ZNF804B: variants seen among roughly 807,000 people sequenced by gnomAD.
The protein encoded by ZNF804B is zinc finger protein 804B, also known as zinc finger 804B.
A neutral mutation model predicts 101.4 loss-of-function variants in ZNF804B; 80 were observed. That is an observed-to-expected ratio of 0.79 (90% CI 0.66 to 0.95). The LOEUF (loss-of-function observed/expected upper bound fraction) is 0.95. Ranked by LOEUF, ZNF804B falls within the 40% of genes least tolerant of loss-of-function variation. The probability of loss-of-function intolerance (pLI) is 0.00; values close to 1 mark genes in which losing one functional copy is unlikely to be tolerated. For missense variants in ZNF804B, 1,673 were observed against 1,561.9 expected, an observed-to-expected ratio of 1.07 and a Z score of -1.20; for synonymous variants, 622 against 558.8, an observed-to-expected ratio of 1.11 and a Z score of -1.59.
chr7:89,093,682 C>A (rs1041518633), intron 1 of ZNF804B, among the ~76,000 whole-genome samples: 1 of 152,196 alleles, frequency 6.6e-6, no homozygotes, highest in Non-Finnish European at 1.5e-5. Flanking sequence ...GCCAAGAAAA[C>A]GTTCAATCTG....
chr7:89,200,627 A>G (rs1347514852), intron 1 of ZNF804B, among the ~76,000 whole-genome samples: 1 of 152,034 alleles, frequency 6.6e-6, no homozygotes, highest in Non-Finnish European at 1.5e-5. Context: ...ATAAATTTCA[A>G]ATCATGAACA....
At chr7:88,899,670 G>A (rs1792359391) in intron 1 of ZNF804B, among the ~76,000 whole-genome samples, 1 of 151,840 alleles carries the variant, frequency 6.6e-6, no homozygotes, top group Non-Finnish European at 1.5e-5. Flanking sequence ...ATTACTTCTG[G>A]AATCAATTCC....
intron 1 of ZNF804B, among the ~76,000 whole-genome samples, chr7:89,033,667 A>G (rs567072341): frequency 6.6e-6 from 1 of 152,182 alleles, no homozygotes. Context: ...TTGTAAAAAA[A>G]AAATTATGTA....
At chr7:89,319,711 A>G (rs1230086485) in intron 2 of ZNF804B, among the ~76,000 whole-genome samples, 1 of 152,204 alleles carries the variant, frequency 6.6e-6, no homozygotes, top group East Asian at 1.9e-4. Context: ...ATGCACGCAC[A>G]CAGGGCCAGC....
intron 1 of ZNF804B, among the ~76,000 whole-genome samples, chr7:88,984,675 T>G (rs900903896): frequency 1.3e-5 from 2 of 152,084 alleles, no homozygotes; most frequent in African/African-American, 4.8e-5. Flanking sequence ...AAGTTAGCTC[T>G]CCAGAGCAAA....
chr7:89,178,191 G>A (rs1419054612), intron 1 of ZNF804B, among the ~76,000 whole-genome samples: 2 of 151,954 alleles, frequency 1.3e-5, no homozygotes, highest in Non-Finnish European at 2.9e-5. Flanking sequence ...CTTGTAGGCA[G>A]CAGATTGTTG....
At chr7:89,138,789 C>T in intron 1 of ZNF804B, among the ~76,000 whole-genome samples, 1 of 152,056 alleles carries the variant, frequency 6.6e-6, no homozygotes, top group African/African-American at 2.4e-5. Context: ...CTTTATAAGG[C>T]AGAGTTTCTC....
intron 1 of ZNF804B, among the ~76,000 whole-genome samples, chr7:88,930,804 C>G (rs1456136946): frequency 6.6e-6 from 1 of 151,768 alleles, no homozygotes; most frequent in Non-Finnish European, 1.5e-5. Flanking sequence ...TTCCTCTTAC[C>G]AACATGCAGA....
At chr7:89,132,773 G>A (rs1483902645) in intron 1 of ZNF804B, among the ~76,000 whole-genome samples, 1 of 152,030 alleles carries the variant, frequency 6.6e-6, no homozygotes, top group African/African-American at 2.4e-5. Context: ...GCCAAATTAT[G>A]TAACAATAGC....
intron 1 of ZNF804B, among the ~76,000 whole-genome samples, chr7:88,900,907 ATAT>A (rs1792380063): frequency 6.6e-6 from 1 of 151,766 alleles, no homozygotes; most frequent in South Asian, 2.1e-4. Flanking sequence ...CAAAGGTAAA[ATAT>A]TATATTTAAA....
intron 1 of ZNF804B, among the ~76,000 whole-genome samples, chr7:88,781,386 G>T (rs1790223776): frequency 6.6e-6 from 1 of 152,118 alleles, no homozygotes; most frequent in Non-Finnish European, 1.5e-5. Context: ...GCTAAAACAT[G>T]TTCTAGAGTA....
intron 1 of ZNF804B, among the ~76,000 whole-genome samples, chr7:88,886,006 C>A (rs546638961): frequency 6.6e-6 from 1 of 152,156 alleles, no homozygotes; most frequent in South Asian, 2.1e-4. Flanking sequence ...TCTATCTGTT[C>A]TTTTCAGGAA....
At chr7:88,937,590 CG>C (rs2116036090) in intron 1 of ZNF804B, among the ~76,000 whole-genome samples, 1 of 151,958 alleles carries the variant, frequency 6.6e-6, no homozygotes, top group South Asian at 2.1e-4. Context: ...AAAATAGAGT[CG>C]GGGTAACTGA....
At chr7:89,022,860 C>T (rs1163310654) in intron 1 of ZNF804B, among the ~76,000 whole-genome samples, 1 of 151,932 alleles carries the variant, frequency 6.6e-6, no homozygotes. Flanking sequence ...AATGGGAACT[C>T]GAATATTTTA....
chr7:88,921,415 G>C (rs974219445), intron 1 of ZNF804B, among the ~76,000 whole-genome samples: 13 of 152,050 alleles, frequency 8.5e-5, no homozygotes, highest in African/African-American at 3.1e-4. Context: ...AGTAGAAGAG[G>C]TTCCTCTGAG....
In ZNF804B at chr7:89,218,306, G is replaced by A. The variant is rs1002915892; in HGVS notation, c.249+11G>A. On this transcript the variant is annotated intron_variant, in intron 2 of 3. Coordinates refer to ENST00000333190, the MANE Select transcript of ZNF804B (RefSeq NM_181646.5). Reference sequence around the variant, plus strand: ...CATGCTCATAAGCAGGTAAGGCAAAGTGGGAAAAGTCCTTCATATTCCTGT... The same window carrying A: ...CATGCTCATAAGCAGGTAAGGCAAAATGGGAAAAGTCCTTCATATTCCTGT... The A allele has an allele frequency of 1.9e-6, 3 of 1,613,156 alleles. No homozygotes were observed. Among genetic ancestry groups the A allele is most frequent in the African/African-American group, 2.7e-5 (2 of 75,000 alleles).
chr7:89,299,751 G>A (rs1076429), intron 2 of ZNF804B, among the ~76,000 whole-genome samples: 1 of 151,816 alleles, frequency 6.6e-6, no homozygotes, highest in African/African-American at 2.4e-5. Flanking sequence ...GAGACTGAGG[G>A]TTAACTGCTT....
intron 2 of ZNF804B, among the ~76,000 whole-genome samples, chr7:89,263,951 G>A (rs1403524330): frequency 2.6e-5 from 4 of 152,242 alleles, no homozygotes; most frequent in African/African-American, 9.6e-5. Context: ...TTTAATGGAA[G>A]TCCTAGGAAA....
At chr7:89,202,640 A>C (rs1327281279) in intron 1 of ZNF804B, among the ~76,000 whole-genome samples, 1 of 152,142 alleles carries the variant, frequency 6.6e-6, no homozygotes, top group African/African-American at 2.4e-5. Flanking sequence ...AGAGACACAA[A>C]AATTCTATTC....
Sources: allele counts gnomAD v4.1 joint callset (sites outside exome capture counted in the v4.1 genomes callset), GRCh38; gene constraint gnomAD v4.1.1; transcripts MANE v1.5; gene names NCBI Gene and HGNC (gene_info 2026-07-23, HGNC 2026-07-21).